PTPRN2: variants seen among roughly 807,000 people sequenced by gnomAD.
PTPRN2 encodes receptor-type tyrosine-protein phosphatase N2.
PTPRN2 carries 74 observed loss-of-function variants against 118.8 expected under a neutral mutation model. The observed-to-expected ratio is 0.62, with a 90% CI of 0.52 to 0.76. The LOEUF is 0.76. PTPRN2 is among the 30% of genes least tolerant of loss of function. PTPRN2 has a pLI of 0.00. For synonymous variants in PTPRN2, 641 were observed against 608.0 expected, an observed-to-expected ratio of 1.05 and a Z score of -0.80; for missense variants, 1,481 against 1,394.4, an observed-to-expected ratio of 1.06 and a Z score of -0.99.
At chr7:158,439,554 C>T (rs900199997) in intron 2 of PTPRN2, among the ~76,000 whole-genome samples, 1 of 152,170 alleles carries the variant, frequency 6.6e-6, no homozygotes, top group Non-Finnish European at 1.5e-5. Context: ...AAACAGTAAT[C>T]TTTGTGGCTT....
Position 158,211,055 on chromosome 7 carries a change from T to C in PTPRN2, c.278-5782A>G, listed in dbSNP as rs182054601. Among the ~76,000 whole-genome samples the C allele has an allele frequency of 2.6e-5, 4 of 152,166 alleles. No homozygotes were observed. In the East Asian group the frequency reaches 5.8e-4, roughly 22 times the overall value. ...ATATTGATGCAAAAATCGTCAACAA[T>C]CGTCAACTGTCCTGGGGATAGGACA... is the stretch of plus-strand genomic sequence containing the variant. On this transcript the variant is annotated intron_variant, in intron 3 of 22. Coordinates refer to ENST00000389418, the MANE Select transcript of PTPRN2 (RefSeq NM_002847.5).
intron 2 of PTPRN2, among the ~76,000 whole-genome samples, chr7:158,457,532 G>A (rs1285358606): frequency 1.9e-4 from 28 of 146,834 alleles, no homozygotes; most frequent in Non-Finnish European, 2.7e-4. Context: ...CCTGGCCTGG[G>A]GGGAGTCACA....
intron 9 of PTPRN2, among the ~76,000 whole-genome samples, chr7:158,122,467 G>A (rs1007135677): frequency 3.9e-5 from 6 of 152,140 alleles, no homozygotes; most frequent in Non-Finnish European, 5.9e-5. Flanking sequence ...ACATCACCCC[G>A]AAATGAGTGC....
intron 12 of PTPRN2, among the ~76,000 whole-genome samples, chr7:157,692,779 G>A (rs1206113764): frequency 2.0e-5 from 3 of 152,114 alleles, no homozygotes; most frequent in African/African-American, 7.2e-5. Context: ...AGGCGGGGAC[G>A]GGGTACATCA....
intron 11 of PTPRN2, among the ~76,000 whole-genome samples, chr7:157,962,202 T>C (rs1801588975): frequency 6.6e-6 from 1 of 152,268 alleles, no homozygotes; most frequent in African/African-American, 2.4e-5. Flanking sequence ...CAAAGTGCTT[T>C]TAAAATGTTT....
chr7:158,056,079 G>A (rs753793821), intron 11 of PTPRN2, among the ~76,000 whole-genome samples: 6 of 152,182 alleles, frequency 3.9e-5, no homozygotes, highest in East Asian at 1.9e-4. Flanking sequence ...TGGAATCTTC[G>A]GAGGCTCTTG....
At chr7:158,088,964 T>G (rs533933175) in intron 10 of PTPRN2, among the ~76,000 whole-genome samples, 2 of 2,820 alleles carry the variant, frequency 7.1e-4, no homozygotes, top group Non-Finnish European at 3.1e-3. Flanking sequence ...CTTCCCCTGA[T>G]GAAAGAGGGA....
chr7:157,789,756 G>A (rs1804319466), intron 12 of PTPRN2, among the ~76,000 whole-genome samples: 1 of 146,912 alleles, frequency 6.8e-6, no homozygotes, highest in Non-Finnish European at 1.5e-5. Flanking sequence ...GGTGTGTGTG[G>A]GGTATATGTG....
At chr7:158,169,172 T>A (rs1192344027) in intron 5 of PTPRN2, among the ~76,000 whole-genome samples, 1 of 152,222 alleles carries the variant, frequency 6.6e-6, no homozygotes, top group Non-Finnish European at 1.5e-5. Flanking sequence ...TTTGGGTTCA[T>A]CCTCTGAGTT....
intron 8 of PTPRN2, among the ~76,000 whole-genome samples, chr7:158,134,624 A>G (rs6943714): frequency 0.34 from 51,792 of 151,868 alleles, 9,063 homozygotes; most frequent in East Asian, 0.5. Context: ...ATTAACCCAC[A>G]AGTGGGCACA....
At chr7:158,463,455 C>T (rs1163921597) in intron 2 of PTPRN2, among the ~76,000 whole-genome samples, 1 of 151,774 alleles carries the variant, frequency 6.6e-6, no homozygotes, top group Non-Finnish European at 1.5e-5. Context: ...ATCATGTTGT[C>T]ATTATCATTA....
chr7:158,494,171 C>T (rs188498073), intron 1 of PTPRN2, among the ~76,000 whole-genome samples: 4 of 152,326 alleles, frequency 2.6e-5, no homozygotes, highest in Middle Eastern at 3.4e-3. Flanking sequence ...CAGAGCCCAC[C>T]ACCTCTCTCA....
Position 157,820,262 on chromosome 7 carries a change from G to C in PTPRN2, c.1788+78411C>G, listed in dbSNP as rs1806736217. Among the ~76,000 whole-genome samples the C allele has an allele frequency of 2.8e-5, 4 of 144,634 alleles. No homozygotes were observed. The Admixed American group carries it at 2.8e-4, about 10-fold the overall frequency. 94.9% of individuals were successfully genotyped at this position (144,634 alleles called of 152,430 possible). On this transcript the variant is annotated intron_variant, in intron 12 of 22. Transcript: ENST00000389418. Reference sequence around the variant, plus strand: ...ACACATGCAATCCACACATGCAGCAGACACACACACGTGCACACACCACAC... The same window carrying C: ...ACACATGCAATCCACACATGCAGCACACACACACACGTGCACACACCACAC...
chr7:158,263,722 G>A (rs893420572), intron 3 of PTPRN2, among the ~76,000 whole-genome samples: 1 of 152,188 alleles, frequency 6.6e-6, no homozygotes, highest in Non-Finnish European at 1.5e-5. Context: ...GCACCTCAAC[G>A]GCCCTTTTCC....
rs537452964 is a variant in PTPRN2, at chr7:157,904,076, T to C, written c.1724-5339A>G. Among the ~76,000 whole-genome samples, 6 of 152,334 alleles carry C rather than the reference T, an allele frequency of 3.9e-5. No individual in the cohort carries two copies. The East Asian group carries it at 7.7e-4, about 20-fold the overall frequency. On this transcript the variant is annotated intron_variant, in intron 11 of 22. Coordinates refer to ENST00000389418, the MANE Select transcript of PTPRN2 (RefSeq NM_002847.5). Reference sequence around the variant, plus strand: ...GACTCCAGTGTGCTCTGGTCTCTTATGCTATTAACTCGCCGATCAGTGCTT... The same window carrying C: ...GACTCCAGTGTGCTCTGGTCTCTTACGCTATTAACTCGCCGATCAGTGCTT...
intron 2 of PTPRN2, among the ~76,000 whole-genome samples, chr7:158,403,773 A>G (rs1032180371): frequency 6.6e-6 from 1 of 152,158 alleles, no homozygotes; most frequent in African/African-American, 2.4e-5. Flanking sequence ...CACGAGGCTG[A>G]ATCTTGATTC....
intron 11 of PTPRN2, among the ~76,000 whole-genome samples, chr7:157,935,417 G>A (rs1009843873): frequency 6.6e-6 from 1 of 152,110 alleles, no homozygotes; most frequent in African/African-American, 2.4e-5. Flanking sequence ...CTGATCCGCT[G>A]TAAAGCCCAT....
chr7:158,019,523 T>C (rs139699337), intron 11 of PTPRN2, among the ~76,000 whole-genome samples: 127 of 152,370 alleles, frequency 8.3e-4, no homozygotes, highest in African/African-American at 2.8e-3. Context: ...AACTGTTTTT[T>C]ATTTGTGCAA....
intron 2 of PTPRN2, among the ~76,000 whole-genome samples, chr7:158,412,444 A>T (rs1245766152): frequency 2.7e-4 from 19 of 70,136 alleles, no homozygotes; most frequent in East Asian, 4.7e-4. Flanking sequence ...CCTCCTCAGC[A>T]CCAGGGCCCA....
Sources: allele counts gnomAD v4.1 joint callset (sites outside exome capture counted in the v4.1 genomes callset), GRCh38; gene constraint gnomAD v4.1.1; transcripts MANE v1.5; gene names NCBI Gene and HGNC (gene_info 2026-07-23, HGNC 2026-07-21).